Variants in ATXN2 observed in about 807,000 individuals in gnomAD.
ATXN2 encodes ataxin-2.
In ATXN2, 37 loss-of-function variants were observed where a neutral mutation model predicts 138.6. That is an observed-to-expected ratio of 0.27 (90% CI 0.21 to 0.35). The LOEUF is 0.35. Among genes scored for constraint, ATXN2 ranks in the 10% least tolerant of loss-of-function variants. The pLI is 1.00. For synonymous variants in ATXN2, 549 were observed against 543.7 expected (o/e 1.01, Z -0.13); for missense variants, 1,216 against 1,480.3 (o/e 0.82, Z 2.93).
chr12:111,591,298 C>G (rs1156704694), intron 1 of ATXN2, among the ~76,000 whole-genome samples: 1 of 152,100 alleles, frequency 6.6e-6, no homozygotes, highest in Non-Finnish European at 1.5e-5. Context: ...TTAAAATACA[C>G]AGCATGATCT....
intron 5 of ATXN2, among the ~76,000 whole-genome samples, chr12:111,550,852 T>C (rs1003485155): frequency 2.0e-5 from 3 of 152,192 alleles, no homozygotes; most frequent in African/African-American, 4.8e-5. Flanking sequence ...GGTATATTAT[T>C]ATTTCCAAGT....
intron 14 of ATXN2, among the ~76,000 whole-genome samples, chr12:111,505,735 T>G (rs759465471): frequency 6.6e-6 from 1 of 152,228 alleles, no homozygotes. Flanking sequence ...CCTCATACCC[T>G]GCTGGTGGGA....
At chr12:111,520,158 G>A (rs1327805281) in intron 7 of ATXN2, 82 bp from the exon 8 acceptor site, 1 of 1,491,552 alleles carries the variant, frequency 6.7e-7, no homozygotes. Flanking sequence ...TACTAAGAAA[G>A]TTTAGAGTTT....
chr12:111,513,179 A>G lies in ATXN2; in HGVS notation c.1558+178T>C, dbSNP rs1223069205. Reference sequence around the variant, plus strand: ...GAATGAGTGTCTGACTTGCTTTAATATATGATGAATAAGTGGTAGAGCCCA... The same window carrying G: ...GAATGAGTGTCTGACTTGCTTTAATGTATGATGAATAAGTGGTAGAGCCCA... On this transcript the variant is annotated intron_variant, in intron 11 of 24. Coordinates refer to ENST00000673436, the MANE Select transcript of ATXN2 (RefSeq NM_001372574.1). The G allele has an allele frequency of 7.7e-6, 5 of 645,856 alleles. No homozygotes were observed. The East Asian group carries it at 1.3e-4, about 17-fold the overall frequency. The allele number at this position is 645,856 out of a possible 1,614,324, so 40.0% of individuals were successfully genotyped here.
chr12:111,492,915 T>C (rs1344455527), intron 14 of ATXN2, among the ~76,000 whole-genome samples: 1 of 152,094 alleles, frequency 6.6e-6, no homozygotes, highest in African/African-American at 2.4e-5. Flanking sequence ...TTTGAGAAAG[T>C]TCAACGAAAT....
At chr12:111,528,598 A>G (rs1880634154) in intron 5 of ATXN2, among the ~76,000 whole-genome samples, 1 of 152,220 alleles carries the variant, frequency 6.6e-6, no homozygotes, top group Non-Finnish European at 1.5e-5. Flanking sequence ...TTCACAGGTT[A>G]TGTAGCAGTC....
chr12:111,458,882 C>T (rs950391808), intron 21 of ATXN2, among the ~76,000 whole-genome samples: 6 of 152,124 alleles, frequency 3.9e-5, no homozygotes, highest in Non-Finnish European at 7.4e-5. Flanking sequence ...TTCTATAATC[C>T]TAGGTGTTGT....
At chr12:111,476,185 T>G (rs894359020) in intron 18 of ATXN2, among the ~76,000 whole-genome samples, 7 of 152,244 alleles carry the variant, frequency 4.6e-5, no homozygotes, top group Non-Finnish European at 8.8e-5. Context: ...ACTCCTGGCC[T>G]CAAGCGATCC....
At chr12:111,505,624 A>G (rs1879057016) in intron 14 of ATXN2, among the ~76,000 whole-genome samples, 1 of 152,246 alleles carries the variant, frequency 6.6e-6, no homozygotes, top group Admixed American at 6.5e-5. Flanking sequence ...AGAACTGCAC[A>G]TTAAAGCCAC....
intron 1 of ATXN2, among the ~76,000 whole-genome samples, chr12:111,579,760 G>A (rs1189896353): frequency 2.7e-5 from 4 of 149,802 alleles, no homozygotes; most frequent in Non-Finnish European, 3.0e-5. Flanking sequence ...GTGCAGTGGC[G>A]TGTTCTTGGT....
At chr12:111,484,765 C>G (rs1267562136) in intron 18 of ATXN2, among the ~76,000 whole-genome samples, 1 of 152,050 alleles carries the variant, frequency 6.6e-6, no homozygotes. Context: ...GGGTCTCACT[C>G]TGTCGCCCAG....
chr12:111,480,139 AG>A (rs1183393019), intron 18 of ATXN2, among the ~76,000 whole-genome samples: 1 of 152,126 alleles, frequency 6.6e-6, no homozygotes, highest in African/African-American at 2.4e-5. Flanking sequence ...GACAGAGAAG[AG>A]GAACAGGCAC....
intron 1 of ATXN2, chr12:111,597,867 C>T (rs1171664339): frequency 7.8e-7 from 1 of 1,288,606 alleles, no homozygotes. Context: ...GCCACCAGCA[C>T]CGCCACCCCG....
chr12:111,500,097 A>C (rs1191731117), intron 14 of ATXN2, among the ~76,000 whole-genome samples: 1 of 152,250 alleles, frequency 6.6e-6, no homozygotes, highest in Non-Finnish European at 1.5e-5. Context: ...ATGATCCAGC[A>C]ATTGCACTGC....
In ATXN2 at chr12:111,453,063, A is replaced by G. The variant is rs1874787917; in HGVS notation, c.3440-223T>C. ...AAACCACTTCAGATAAAACTCCCAGAAGACTTGTTCATGGGGTAGAAAAAA... is the reference window on the plus strand; with the variant it reads ...AAACCACTTCAGATAAAACTCCCAGGAGACTTGTTCATGGGGTAGAAAAAA... On this transcript the variant is annotated intron_variant, in intron 24 of 24. Transcript: ENST00000673436. This position sits in a 1 kb window ranked among gnomAD's most constrained non-coding sequence, Gnocchi z 5.4. 7.7e-7 allele frequency: 1 copy of G among 1,292,726 alleles called. No homozygotes were observed. Among genetic ancestry groups the G allele is most frequent in the Admixed American group, 3.8e-5 (1 of 25,986 alleles). The allele number at this position is 1,292,726 out of a possible 1,614,324, so 80.1% of individuals were successfully genotyped here. A position where few individuals can be genotyped will look rare whatever the true frequency, so the allele number is the denominator to read the frequency against.
In ATXN2 at chr12:111,470,116, G is replaced by A. The variant is rs1287322286; in HGVS notation, c.2834C>T (p.Ala945Val). The change falls in exon 20 of 25, where the codon GCG becomes GTG. Residue 945 changes from alanine (A) to valine (V), a missense_variant. By Grantham distance (64) the Ala-to-Val change is moderately conservative. This residue lies in a region of ATXN2 where 490 missense variants were observed against 653.5 expected (regional missense o/e 0.75). Transcript: ENST00000673436. ...AACAAAGTGCTTCCTACCATACATC[G>A]CATGCGTCTGCTCATGAGCCCCGTA... ...TQYGAHEQTH[A>V]MYACPKLPYN... The A allele has an allele frequency of 3.1e-6, 5 of 1,613,662 alleles. No individual in the cohort carries two copies. The highest frequency in any genetic ancestry group is 2.7e-5 in the African/African-American group (2 of 74,860).
At chr12:111,513,670 T>TATA in intron 10 of ATXN2, 131 bp from the exon 11 acceptor site, 1 of 745,120 alleles carries the variant, frequency 1.3e-6, no homozygotes, top group Non-Finnish European at 1.8e-6. Context: ...TGGTTAAAAA[T>TATA]AGAAAAAAAA....
At chr12:111,517,248 A>G (rs1191088218) in intron 9 of ATXN2, among the ~76,000 whole-genome samples, 12 of 152,152 alleles carry the variant, frequency 7.9e-5, no homozygotes, top group African/African-American at 2.7e-4. Context: ...TAAGTATCAT[A>G]TATTTCTCAG....
At chr12:111,571,955 T>G (rs1175609448) in intron 1 of ATXN2, among the ~76,000 whole-genome samples, 6 of 146,156 alleles carry the variant, frequency 4.1e-5, no homozygotes, top group African/African-American at 1.5e-4. Flanking sequence ...GAGGTTGCAG[T>G]GAGCCAAGAT....
Sources: gnomAD v4.1 joint callset for allele counts (sites outside exome capture counted in the v4.1 genomes callset) on GRCh38, gnomAD v4.1.1 for gene constraint, gnomAD v4.1.1 regional missense constraint, Gnocchi (gnomAD v3.1) non-coding constraint, MANE v1.5 for transcripts, NCBI Gene and HGNC (gene_info 2026-07-23, HGNC 2026-07-21) for gene names.